The following GSTM4 variants were observed in gnomAD, a reference collection of about 807,000 sequenced individuals.
The protein encoded by GSTM4 is GST class-mu 4.
In GSTM4, 27 loss-of-function variants were observed where a neutral mutation model predicts 30.1. That is an observed-to-expected ratio of 0.90 (90% CI 0.66 to 1.24). The LOEUF (loss-of-function observed/expected upper bound fraction) is 1.24, where lower values mean the gene tolerates loss of function less well. Ranked by LOEUF, GSTM4 falls within the 50% of genes most tolerant of loss-of-function variation. The probability of loss-of-function intolerance (pLI) is 0.00; values close to 1 mark genes in which losing one functional copy is unlikely to be tolerated. For synonymous variants in GSTM4, 94 were observed against 96.2 expected (o/e 0.98, Z 0.13); for missense variants, 238 against 272.1 (o/e 0.87, Z 0.88).
intron 1 of GSTM4, 133 bp downstream of exon 1, chr1:109,656,558 GT>G: frequency 2.1e-6 from 1 of 465,676 alleles, no homozygotes; most frequent in Non-Finnish European, 4.2e-6. Flanking sequence ...GCCTGTGTGT[GT>G]GTGTGTGTGT....
chr1:109,657,173 G>C (rs1194865944), intron 2 of GSTM4, 42 bp from the exon 3 acceptor site: 2 of 1,606,982 alleles, frequency 1.2e-6, no homozygotes, highest in South Asian at 1.1e-5. Flanking sequence ...GGAGGGCTGG[G>C]CTCTGGGGAG....
chr1:109,657,274 C>T lies in GSTM4; in HGVS notation c.172C>T (p.Pro58Ser), dbSNP rs376133555. 5 of 1,612,324 alleles carry T rather than the reference C, an allele frequency of 3.1e-6. No individual in the cohort carries two copies. In the African/African-American group the frequency reaches 6.7e-5, roughly 22 times the overall value. Residue 58 changes from proline (P) to serine (S), a missense_variant, in exon 3 of 8, where the codon CCC (proline) becomes TCC (serine). Coordinates refer to ENST00000369836, the MANE Select transcript of GSTM4 (RefSeq NM_000850.5). ...NEKFKLGLDFPNLPYLIDGAH... is the reference protein window; with the variant it reads ...NEKFKLGLDFSNLPYLIDGAH... ...AAAATTCAAGCTGGGCCTGGACTTT[C>T]CCAATGTAGGTGCAGGGGAAGGGGC...
intron 7 of GSTM4, 139 bp downstream of exon 7, chr1:109,659,249 A>G (rs543515688): frequency 6.2e-7 from 1 of 1,610,976 alleles, no homozygotes; most frequent in Non-Finnish European, 8.5e-7. Context: ...CTTGCCCAGC[A>G]CATTATACCT....
chr1:109,659,864 GA>G, intron 7 of GSTM4: 1 of 567,826 alleles, frequency 1.8e-6, no homozygotes, highest in East Asian at 6.0e-5. Context: ...TCCTCTGCAT[GA>G]GGCAGGGTGT....
At chr1:109,659,545 C>T in intron 7 of GSTM4, 2 of 518,934 alleles carry the variant, frequency 3.9e-6, no homozygotes, top group Non-Finnish European at 6.6e-6. Context: ...ATGCAGCTGG[C>T]AATAGTAGGA....
intron 5 of GSTM4, 34 bp from the exon 6 acceptor site, chr1:109,658,780 G>A: frequency 6.7e-7 from 1 of 1,495,080 alleles, no homozygotes; most frequent in Non-Finnish European, 9.3e-7. Flanking sequence ...GGGAGCTTGT[G>A]TCTGAGGGTG....
chr1:109,659,426 A>G (rs543290977), intron 7 of GSTM4: 74 of 1,362,710 alleles, frequency 5.4e-5, no homozygotes, highest in Non-Finnish European at 6.6e-5. Flanking sequence ...TATGGGTGGC[A>G]GTCAGGGCTC....
chr1:109,664,178 CATTT>C (rs1237210799), downstream of GSTM4, among the ~76,000 whole-genome samples: 1 of 151,910 alleles, frequency 6.6e-6, no homozygotes, highest in Admixed American at 6.6e-5. Flanking sequence ...GGATTTTTCT[CATTT>C]ATTTATTTTT....
downstream of GSTM4, among the ~76,000 whole-genome samples, chr1:109,666,819 T>G (rs473682): frequency 8.8e-4 from 134 of 151,714 alleles, no homozygotes; most frequent in Middle Eastern, 0.024. Flanking sequence ...TCCACCTCCC[T>G]GGTTCAAGCG....
Position 109,656,805 on chromosome 1 carries a change from T to C in GSTM4, c.112+18T>C. Reference sequence around the variant, plus strand: ...GGGGGACGGTAATGACACCCTTGTGTCCGGGCTCTGCCCACTCACGCTGAG... The same window carrying C: ...GGGGGACGGTAATGACACCCTTGTGCCCGGGCTCTGCCCACTCACGCTGAG... On this transcript the variant is annotated intron_variant, in intron 2 of 7. Coordinates refer to ENST00000369836, the MANE Select transcript of GSTM4 (RefSeq NM_000850.5). 6.2e-7 allele frequency: 1 copy of C among 1,611,096 alleles called. No individual in the cohort carries two copies.
At chr1:109,660,907 C>G in intron 7 of GSTM4, 1 of 504,526 alleles carries the variant, frequency 2.0e-6, no homozygotes, top group Non-Finnish European at 3.6e-6. Context: ...TGTAATTTCT[C>G]TTGGGTACAG....
downstream of GSTM4, among the ~76,000 whole-genome samples, chr1:109,663,739 T>C (rs1226825577): frequency 6.6e-6 from 1 of 152,224 alleles, no homozygotes; most frequent in Non-Finnish European, 1.5e-5. Context: ...AAAAGCATGC[T>C]CATATGTCTT....
At chr1:109,662,557 A>G (rs554031138), downstream of GSTM4, among the ~76,000 whole-genome samples, 10 of 152,360 alleles carry the variant, frequency 6.6e-5, no homozygotes, top group East Asian at 1.9e-4. Flanking sequence ...TCCAAAAACT[A>G]TATATCCAGA....
chr1:109,656,757 T>C lies in GSTM4; in HGVS notation c.82T>C (p.Tyr28His). 1 of 1,613,878 alleles carries C rather than the reference T, an allele frequency of 6.2e-7. No homozygotes were observed. The highest frequency in any genetic ancestry group is 8.5e-7 in the Non-Finnish European group (1 of 1,179,886). ...RLLLEYTDSS[Y>H]EEKKYTMGDA... ...GCTCCTGGAATACACAGACTCAAGC[T>C]ACGAGGAAAAGAAGTATACGATGGG... Residue 28 changes from tyrosine (Y) to histidine (H), a missense_variant, in exon 2 of 8, where the codon TAC (tyrosine) becomes CAC (histidine). Coordinates refer to ENST00000369836, the MANE Select transcript of GSTM4 (RefSeq NM_000850.5).
At chr1:109,658,006 T>G (rs1652115499) in intron 5 of GSTM4, 134 bp downstream of exon 5, 1 of 697,722 alleles carries the variant, frequency 1.4e-6, no homozygotes, top group African/African-American at 1.8e-5. Context: ...GACTGTCATA[T>G]CATTAAACTT....
At chr1:109,660,124 T>A (rs1652242762) in intron 7 of GSTM4, 1 of 182,800 alleles carries the variant, frequency 5.5e-6, no homozygotes, top group Non-Finnish European at 1.1e-5. Flanking sequence ...AGAATTTGTT[T>A]TCCTTTCCCA....
chr1:109,666,603 T>C (rs1400069073), downstream of GSTM4, among the ~76,000 whole-genome samples: 1 of 152,196 alleles, frequency 6.6e-6, no homozygotes, highest in Non-Finnish European at 1.5e-5. Context: ...CCAGCTGAGA[T>C]TGTCTCTAGG....
chr1:109,659,891 T>C (rs1027065205), intron 7 of GSTM4: 1 of 470,814 alleles, frequency 2.1e-6, no homozygotes, highest in Non-Finnish European at 3.8e-6. Flanking sequence ...ACAGTGGGAG[T>C]TGCATAGATG....
downstream of GSTM4, among the ~76,000 whole-genome samples, chr1:109,664,340 G>GTTTTTTTTTT (rs1557955647): frequency 3.5e-5 from 1 of 28,608 alleles, no homozygotes; most frequent in Non-Finnish European, 7.4e-5. Flanking sequence ...AGAGAGAATA[G>GTTTTTTTTTT]CTTTTTTTTT....
Sources: allele counts gnomAD v4.1 joint callset (sites outside exome capture counted in the v4.1 genomes callset), GRCh38; gene constraint gnomAD v4.1.1; transcripts MANE v1.5; gene names NCBI Gene and HGNC (gene_info 2026-07-23, HGNC 2026-07-21).